Variants in PHIP observed in about 807,000 individuals in gnomAD.
PHIP encodes PH-interacting protein.
A neutral mutation model predicts 236.8 loss-of-function variants in PHIP; 54 were observed. The ratio of observed to expected loss-of-function variants is 0.23; its 90% CI spans 0.18 to 0.29. The LOEUF is 0.29. PHIP is among the 10% of genes least tolerant of loss of function. The pLI, the probability that PHIP is intolerant of heterozygous loss-of-function variation, is 1.00. For missense variants in PHIP, 1,370 were observed against 2,190.8 expected (o/e 0.63, Z 7.48); for synonymous variants, 756 against 718.9 (o/e 1.05, Z -0.83).
intron 6 of PHIP, among the ~76,000 whole-genome samples, chr6:79,059,383 G>GA (rs1015401955): frequency 5.3e-5 from 8 of 151,038 alleles, no homozygotes; most frequent in Non-Finnish European, 7.4e-5. Flanking sequence ...ACCAGAAAGA[G>GA]AAAAAATCTT....
chr6:78,999,971 T>C (rs1769880765), intron 17 of PHIP, among the ~76,000 whole-genome samples: 1 of 151,972 alleles, frequency 6.6e-6, no homozygotes, highest in Non-Finnish European at 1.5e-5. Context: ...AGCTCAAGTT[T>C]ACAACTGAAA....
intron 27 of PHIP, among the ~76,000 whole-genome samples, 181 bp downstream of exon 27, chr6:78,969,654 T>C (rs1172369211): frequency 6.6e-6 from 1 of 152,168 alleles, no homozygotes; most frequent in Non-Finnish European, 1.5e-5. Context: ...TCGACTGTTT[T>C]CATTCCTAAA....
intron 15 of PHIP, among the ~76,000 whole-genome samples, chr6:79,011,150 T>A (rs9443638): frequency 0.45 from 68,785 of 151,606 alleles, 16,195 homozygotes; most frequent in East Asian, 0.69. Flanking sequence ...GCCAAACAAA[T>A]GTGGGCTTAC....
chr6:79,009,042 G>T (rs146934351), intron 15 of PHIP, among the ~76,000 whole-genome samples: 2 of 152,026 alleles, frequency 1.3e-5, no homozygotes, highest in East Asian at 3.9e-4. Flanking sequence ...AATATTTCAT[G>T]ACTAATTAAA....
chr6:79,073,160 T>G (rs1773974690), intron 4 of PHIP, among the ~76,000 whole-genome samples: 1 of 152,158 alleles, frequency 6.6e-6, no homozygotes, highest in Non-Finnish European at 1.5e-5. Context: ...AACAATATAG[T>G]AAGTATTGCA....
intron 15 of PHIP, among the ~76,000 whole-genome samples, chr6:79,010,678 G>C (rs1425327882): frequency 6.6e-6 from 1 of 151,718 alleles, no homozygotes; most frequent in Non-Finnish European, 1.5e-5. Flanking sequence ...ATAGAGAAAA[G>C]AAAGAGTAAG....
At chr6:78,971,588 G>A (rs187098432) in intron 24 of PHIP, among the ~76,000 whole-genome samples, 41 of 152,256 alleles carry the variant, frequency 2.7e-4, no homozygotes, top group Non-Finnish European at 4.4e-4. Flanking sequence ...GCAGAAGACG[G>A]GTGATTTCTG....
intron 39 of PHIP, among the ~76,000 whole-genome samples, chr6:78,944,806 T>C (rs1773710464): frequency 6.6e-6 from 1 of 152,200 alleles, no homozygotes; most frequent in Non-Finnish European, 1.5e-5. Context: ...ACATGTCACA[T>C]GGCATATTTT....
intron 18 of PHIP, 96 bp downstream of exon 18, chr6:78,998,158 G>A: frequency 1.2e-6 from 1 of 841,990 alleles, no homozygotes; most frequent in Non-Finnish European, 1.9e-6. Flanking sequence ...TCATTTTACG[G>A]ATGTACCATA....
At chr6:78,942,252 G>C (rs924526322) in intron 39 of PHIP, among the ~76,000 whole-genome samples, 2 of 152,192 alleles carry the variant, frequency 1.3e-5, no homozygotes, top group Admixed American at 6.5e-5. Context: ...GGAGGCCAAA[G>C]TGGGCGGATC....
At chr6:78,962,555 TGA>T (rs1192308286) in intron 30 of PHIP, among the ~76,000 whole-genome samples, 1 of 152,146 alleles carries the variant, frequency 6.6e-6, no homozygotes, top group African/African-American at 2.4e-5. Context: ...GATTCTTTAT[TGA>T]GAGAGTGGGT....
intron 18 of PHIP, 74 bp downstream of exon 18, chr6:78,998,180 C>T: frequency 1.7e-6 from 2 of 1,157,700 alleles, no homozygotes; most frequent in South Asian, 2.9e-5. Flanking sequence ...TTTTTTTAAA[C>T]CACTTAACAC....
intron 4 of PHIP, among the ~76,000 whole-genome samples, chr6:79,065,595 C>T (rs569891077): frequency 6.6e-6 from 1 of 152,144 alleles, no homozygotes; most frequent in African/African-American, 2.4e-5. Flanking sequence ...TTTCTATACT[C>T]TACACAATCC....
chr6:79,008,701 T>C (rs529828922), intron 15 of PHIP, among the ~76,000 whole-genome samples: 2 of 152,290 alleles, frequency 1.3e-5, no homozygotes, highest in African/African-American at 4.8e-5. Context: ...CTATATACTA[T>C]AAGAAACACT....
chr6:79,028,005 G>A (rs138605937), intron 7 of PHIP, among the ~76,000 whole-genome samples: 272 of 152,134 alleles, frequency 1.8e-3, no homozygotes, highest in Non-Finnish European at 3.2e-3. Flanking sequence ...TTTTGCTGGT[G>A]ACAGTATTCA....
In PHIP at chr6:78,970,070, G is replaced by C; in HGVS notation, c.3101C>G (p.Thr1034Ser). Reference protein sequence around the residue: ...AFLDPDTGKLTGGSFTMKYHD... With the variant: ...AFLDPDTGKLSGGSFTMKYHD... Reference sequence around the variant, plus strand: ...TTACTTCATGGTAAATGATCCGCCAGTCAGTTTACCAGTATCAGGATCTAG... The same window carrying C: ...TTACTTCATGGTAAATGATCCGCCACTCAGTTTACCAGTATCAGGATCTAG... Residue 1034 changes from threonine to serine, a missense_variant, in exon 26 of 40, where the codon ACT (threonine) becomes AGT (serine). Physicochemically the swap from Thr to Ser is moderately conservative, Grantham distance 58. Coordinates refer to ENST00000275034, the MANE Select transcript of PHIP (RefSeq NM_017934.7). The C allele has an allele frequency of 6.2e-7, 1 of 1,613,574 alleles. No homozygotes were observed. The highest frequency in any genetic ancestry group is 8.5e-7 in the Non-Finnish European group (1 of 1,179,678).
chr6:79,039,594 G>C (rs1772109156), intron 7 of PHIP, among the ~76,000 whole-genome samples: 1 of 152,028 alleles, frequency 6.6e-6, no homozygotes, highest in Non-Finnish European at 1.5e-5. Flanking sequence ...TAAAACAGTG[G>C]CTGGTTCATA....
At chr6:78,961,279 A>G (rs2127697574) in intron 31 of PHIP, among the ~76,000 whole-genome samples, 1 of 152,026 alleles carries the variant, frequency 6.6e-6, no homozygotes, top group East Asian at 1.9e-4. Flanking sequence ...AACAAAATAC[A>G]TAATACGAAT....
At chr6:78,952,316 G>A (rs1273991738) in intron 35 of PHIP, among the ~76,000 whole-genome samples, 1 of 151,612 alleles carries the variant, frequency 6.6e-6, no homozygotes, top group African/African-American at 2.4e-5. Context: ...CTACTCGTGA[G>A]GCCGAGGCAG....
Sources: allele counts gnomAD v4.1 joint callset (sites outside exome capture counted in the v4.1 genomes callset), GRCh38; gene constraint gnomAD v4.1.1; transcripts MANE v1.5; gene names NCBI Gene and HGNC (gene_info 2026-07-23, HGNC 2026-07-21).